The following UBE2D2 variants were observed in gnomAD, a reference collection of about 807,000 sequenced individuals.
The protein encoded by UBE2D2 is ubiquitin conjugating enzyme E2 D2, also known as ubiquitin-conjugating enzyme E2 D2.
In UBE2D2, 2 loss-of-function variants were observed where a neutral mutation model predicts 24.2. That is an observed-to-expected ratio of 0.08 (90% CI 0.03 to 0.26). UBE2D2 has a LOEUF of 0.26. Ranked by LOEUF, UBE2D2 falls within the 10% of genes least tolerant of loss-of-function variation. The probability of loss-of-function intolerance (pLI) is 1.00; values close to 1 mark genes in which losing one functional copy is unlikely to be tolerated. For synonymous variants in UBE2D2, 58 were observed against 56.5 expected, an observed-to-expected ratio of 1.03 and a Z score of -0.12; for missense variants, 44 against 177.6, an observed-to-expected ratio of 0.25 and a Z score of 4.28.
intron 1 of UBE2D2, among the ~76,000 whole-genome samples, chr5:139,580,898 C>A (rs1264560700): frequency 6.6e-6 from 1 of 152,180 alleles, no homozygotes; most frequent in African/African-American, 2.4e-5. Flanking sequence ...GCCTGAGCGA[C>A]AGAGTGAGAC....
At chr5:139,570,061 G>T (rs182915768) in intron 1 of UBE2D2, among the ~76,000 whole-genome samples, 1 of 152,272 alleles carries the variant, frequency 6.6e-6, no homozygotes, top group East Asian at 1.9e-4. Flanking sequence ...TTCAAGACCA[G>T]CTTGGTCTGT....
chr5:139,574,836 C>G (rs1753434105), intron 1 of UBE2D2, among the ~76,000 whole-genome samples: 1 of 151,816 alleles, frequency 6.6e-6, no homozygotes, highest in African/African-American at 2.4e-5. Context: ...GCTTCCTTGT[C>G]TGTAGAATGG....
intron 1 of UBE2D2, among the ~76,000 whole-genome samples, chr5:139,554,489 G>GAGTGTATC (rs1752956351): frequency 6.6e-6 from 1 of 152,180 alleles, no homozygotes; most frequent in African/African-American, 2.4e-5. Context: ...CACCCATGTT[G>GAGTGTATC]AGTGTATCAA....
chr5:139,605,814 C>T (rs1754187074), intron 2 of UBE2D2, among the ~76,000 whole-genome samples: 1 of 151,454 alleles, frequency 6.6e-6, no homozygotes, highest in African/African-American at 2.4e-5. Context: ...TTGCAGCTCA[C>T]TGAAGCCTCA....
At chr5:139,567,807 T>G (rs909545268) in intron 1 of UBE2D2, among the ~76,000 whole-genome samples, 1 of 152,194 alleles carries the variant, frequency 6.6e-6, no homozygotes, top group African/African-American at 2.4e-5. Flanking sequence ...GTGCTGGGAT[T>G]ACAGGCGTGA....
chr5:139,623,720 C>T (rs1176690000), intron 6 of UBE2D2: 1 of 281,304 alleles, frequency 3.6e-6, no homozygotes. Context: ...GAGACAGGGT[C>T]TTACTCTGTC....
intron 1 of UBE2D2, among the ~76,000 whole-genome samples, chr5:139,582,013 T>C (rs1404746922): frequency 6.6e-6 from 1 of 150,804 alleles, no homozygotes; most frequent in Non-Finnish European, 1.5e-5. Flanking sequence ...GAAGATAGAG[T>C]CTCACTTTGT....
intron 1 of UBE2D2, among the ~76,000 whole-genome samples, chr5:139,594,236 C>G (rs1753913557): frequency 6.6e-6 from 1 of 152,074 alleles, no homozygotes; most frequent in Non-Finnish European, 1.5e-5. Context: ...CAACTAATAG[C>G]TTAAGTTGCC....
chr5:139,571,694 C>A (rs568947653), intron 1 of UBE2D2, among the ~76,000 whole-genome samples: 57 of 152,116 alleles, frequency 3.7e-4, no homozygotes, highest in African/African-American at 1.4e-3. Context: ...CTTTACTTTT[C>A]CCTTTGCCAA....
intron 1 of UBE2D2, among the ~76,000 whole-genome samples, chr5:139,574,751 AAAG>A (rs1270931696): frequency 6.6e-6 from 1 of 151,108 alleles, no homozygotes; most frequent in Non-Finnish European, 1.5e-5. Flanking sequence ...AAAAAAAAAA[AAAG>A]AAAAGAAAAG....
chr5:139,626,423 A>G (rs1175885838), intron 6 of UBE2D2, among the ~76,000 whole-genome samples: 1 of 152,222 alleles, frequency 6.6e-6, no homozygotes, highest in African/African-American at 2.4e-5. Flanking sequence ...TGTAATGTAG[A>G]ATCATATAAT....
intron 5 of UBE2D2, among the ~76,000 whole-genome samples, chr5:139,621,412 T>C (rs1225431820): frequency 1.3e-5 from 2 of 152,252 alleles, no homozygotes; most frequent in Non-Finnish European, 2.9e-5. Context: ...GAGACATTCA[T>C]AGAAGTATGT....
intron 1 of UBE2D2, among the ~76,000 whole-genome samples, chr5:139,535,362 A>G (rs1471062457): frequency 2.0e-5 from 3 of 149,264 alleles, no homozygotes; most frequent in African/African-American, 7.4e-5. Flanking sequence ...AGGCTGAGGC[A>G]GGAGAATTGC....
intron 1 of UBE2D2, among the ~76,000 whole-genome samples, chr5:139,566,702 A>C (rs958599391): frequency 6.6e-6 from 1 of 152,068 alleles, no homozygotes; most frequent in Non-Finnish European, 1.5e-5. Flanking sequence ...AAAAGATTTC[A>C]AACTCTGATG....
chr5:139,592,282 C>T (rs746250170), intron 1 of UBE2D2, among the ~76,000 whole-genome samples: 1 of 152,092 alleles, frequency 6.6e-6, no homozygotes, highest in African/African-American at 2.4e-5. Flanking sequence ...CCAGTTTGTG[C>T]CATTTTGCCC....
upstream of UBE2D2, among the ~76,000 whole-genome samples, chr5:139,560,709 T>C (rs1753057203): frequency 6.6e-6 from 1 of 152,304 alleles, no homozygotes; most frequent in South Asian, 2.1e-4. Flanking sequence ...TGTAACAATT[T>C]GCAATTCACT....
chr5:139,541,484 C>T (rs1752761102), intron 1 of UBE2D2, among the ~76,000 whole-genome samples: 1 of 145,924 alleles, frequency 6.9e-6, no homozygotes, highest in African/African-American at 2.6e-5. Context: ...CCTGTAATCC[C>T]AGCTACTCAG....
chr5:139,587,688 A>C (rs538116435), intron 1 of UBE2D2, among the ~76,000 whole-genome samples: 164 of 151,332 alleles, frequency 1.1e-3, no homozygotes, highest in African/African-American at 3.7e-3. Flanking sequence ...AAAAAAAAAA[A>C]AAAAAACGGA....
chr5:139,622,218 G>T (rs1468398990), intron 5 of UBE2D2, among the ~76,000 whole-genome samples: 1 of 151,846 alleles, frequency 6.6e-6, no homozygotes, highest in Non-Finnish European at 1.5e-5. Context: ...TCTGCTATTT[G>T]TTTTATTTTA....
Sources: gnomAD v4.1 joint callset for allele counts (sites outside exome capture counted in the v4.1 genomes callset) on GRCh38, gnomAD v4.1.1 for gene constraint, MANE v1.5 for transcripts, NCBI Gene and HGNC (gene_info 2026-07-23, HGNC 2026-07-21) for gene names.